Variants in EPHB1 observed in about 807,000 individuals in gnomAD.
EPHB1 encodes EPH receptor B1.
A neutral mutation model predicts 94.4 loss-of-function variants in EPHB1; 30 were observed. That is an observed-to-expected ratio of 0.32 (90% CI 0.24 to 0.43). The LOEUF (loss-of-function observed/expected upper bound fraction) is 0.43. Among genes scored for constraint, EPHB1 ranks in the 20% least tolerant of loss-of-function variants. The pLI is 1.00. For missense variants in EPHB1, 1,055 were observed against 1,308.3 expected (o/e 0.81, Z 2.99); for synonymous variants, 522 against 489.1 (o/e 1.07, Z -0.89).
At chr3:134,795,964 C>T (rs372405917) in intron 1 of EPHB1, among the ~76,000 whole-genome samples, 1 of 152,254 alleles carries the variant, frequency 6.6e-6, no homozygotes, top group East Asian at 1.9e-4. Flanking sequence ...TCTCCCGCAG[C>T]CCCCGCTCGG....
chr3:134,884,021 G>A (rs2037813425), intron 1 of EPHB1, among the ~76,000 whole-genome samples: 2 of 152,240 alleles, frequency 1.3e-5, no homozygotes, highest in South Asian at 4.1e-4. Context: ...CCACACCAAG[G>A]TGGCAAGCGG....
intron 4 of EPHB1, among the ~76,000 whole-genome samples, chr3:135,117,576 C>G (rs1297969397): frequency 6.6e-6 from 1 of 152,188 alleles, no homozygotes; most frequent in Admixed American, 6.5e-5. Context: ...GCTCTGAAGC[C>G]ACATCAAGAA....
chr3:135,219,895 C>G (rs967248644), intron 12 of EPHB1, among the ~76,000 whole-genome samples: 1 of 152,144 alleles, frequency 6.6e-6, no homozygotes, highest in African/African-American at 2.4e-5. Flanking sequence ...TAGTGTTTGC[C>G]TTATGGGCCC....
At chr3:134,805,603 G>A in intron 1 of EPHB1, among the ~76,000 whole-genome samples, 1 of 152,056 alleles carries the variant, frequency 6.6e-6, no homozygotes, top group East Asian at 1.9e-4. Flanking sequence ...ACACACACAT[G>A]TCCACAGGTG....
chr3:134,894,031 C>A (rs1427553046), intron 1 of EPHB1, among the ~76,000 whole-genome samples: 1 of 152,240 alleles, frequency 6.6e-6, no homozygotes, highest in East Asian at 1.9e-4. Context: ...TTCCACACCT[C>A]TTTTATTCCA....
At chr3:134,942,781 AT>A (rs1360649160) in intron 2 of EPHB1, among the ~76,000 whole-genome samples, 1 of 152,244 alleles carries the variant, frequency 6.6e-6, no homozygotes, top group Admixed American at 6.5e-5. Flanking sequence ...GTGTTCCATA[AT>A]TCCAGTGTTG....
At chr3:135,000,164 G>C (rs1433596432) in intron 3 of EPHB1, among the ~76,000 whole-genome samples, 1 of 152,258 alleles carries the variant, frequency 6.6e-6, no homozygotes, top group Admixed American at 6.5e-5. Flanking sequence ...AGCTGGATAA[G>C]AAAGCTGCAT....
intron 1 of EPHB1, among the ~76,000 whole-genome samples, chr3:134,820,278 G>T (rs2108289600): frequency 6.6e-6 from 1 of 152,338 alleles, no homozygotes; most frequent in East Asian, 1.9e-4. Flanking sequence ...GGAAAAGCAG[G>T]TTTAGGGAGC....
At chr3:134,874,624 G>C (rs1347548101) in intron 1 of EPHB1, among the ~76,000 whole-genome samples, 1 of 152,212 alleles carries the variant, frequency 6.6e-6, no homozygotes, top group East Asian at 1.9e-4. Context: ...TGGGATGGTG[G>C]GTCCTTTGGC....
chr3:134,911,234 G>A (rs1397958652), intron 1 of EPHB1, among the ~76,000 whole-genome samples: 2 of 152,214 alleles, frequency 1.3e-5, no homozygotes, highest in African/African-American at 2.4e-5. Context: ...GCAGCCCATG[G>A]GTGAGAGTGA....
At chr3:135,035,046 T>C (rs1436538511) in intron 3 of EPHB1, among the ~76,000 whole-genome samples, 1 of 152,214 alleles carries the variant, frequency 6.6e-6, no homozygotes, top group Non-Finnish European at 1.5e-5. Flanking sequence ...GTGCACTCCT[T>C]CCTACTGCCA....
chr3:135,215,445 G>A (rs964390170), intron 12 of EPHB1, among the ~76,000 whole-genome samples: 1 of 152,198 alleles, frequency 6.6e-6, no homozygotes, highest in African/African-American at 2.4e-5. Context: ...TTACAGGCAT[G>A]AGCCACCACG....
intron 5 of EPHB1, among the ~76,000 whole-genome samples, chr3:135,136,370 G>A (rs1940619963): frequency 1.3e-5 from 2 of 152,156 alleles, no homozygotes; most frequent in South Asian, 4.1e-4. Context: ...TCAAGGACCA[G>A]GTATCACTTG....
At chr3:135,166,626 C>A (rs916019862) in intron 8 of EPHB1, among the ~76,000 whole-genome samples, 2 of 152,240 alleles carry the variant, frequency 1.3e-5, no homozygotes, top group Admixed American at 6.5e-5. Flanking sequence ...AGCAGTTCTG[C>A]AATGTAGCTT....
At chr3:135,031,190 C>T (rs6782135) in intron 3 of EPHB1, among the ~76,000 whole-genome samples, 7,229 of 152,274 alleles carry the variant, frequency 0.047, 555 homozygotes, top group African/African-American at 0.16. Flanking sequence ...TCTTCTGTGT[C>T]GTCAGGCTGA....
At chr3:135,248,230 G>A (rs1943974095) in intron 13 of EPHB1, 86 bp from the exon 14 acceptor site, 2 of 1,296,994 alleles carry the variant, frequency 1.5e-6, no homozygotes, top group Non-Finnish European at 2.1e-6. Context: ...CCTGGATCAG[G>A]GAGGCTCCAT....
At chr3:134,967,578 T>A (rs1467840391) in intron 3 of EPHB1, among the ~76,000 whole-genome samples, 1 of 152,156 alleles carries the variant, frequency 6.6e-6, no homozygotes, top group Non-Finnish European at 1.5e-5. Flanking sequence ...CTCTCTTGAG[T>A]CCCTCACCAT....
Position 134,825,077 on chromosome 3 carries a change from C to A in EPHB1, c.58+29388C>A, listed in dbSNP as rs180729469. On this transcript the variant is annotated intron_variant, in intron 1 of 15. Transcript: ENST00000398015. ...GTAATTTGTTACACTCAATAGATAA[C>A]AGGAACACAAGCAGTCCCTTGAATT... is the stretch of plus-strand genomic sequence containing the variant. Among the ~76,000 whole-genome samples the A allele has an allele frequency of 1.2e-3, 182 of 152,330 alleles. 1 individual carries two copies. The highest frequency in any genetic ancestry group is 4.1e-3 in the African/African-American group (169 of 41,580).
At chr3:135,232,267 C>T (rs944889877) in intron 12 of EPHB1, among the ~76,000 whole-genome samples, 1 of 152,202 alleles carries the variant, frequency 6.6e-6, no homozygotes, top group Admixed American at 6.5e-5. Flanking sequence ...TTCTAAAATA[C>T]CTTTCTAATT....
Sources: gnomAD v4.1 joint callset for allele counts (sites outside exome capture counted in the v4.1 genomes callset) on GRCh38, gnomAD v4.1.1 for gene constraint, MANE v1.5 for transcripts, NCBI Gene and HGNC (gene_info 2026-07-23, HGNC 2026-07-21) for gene names.